KIF26B: variants seen among roughly 807,000 people sequenced by gnomAD.
The protein encoded by KIF26B is kinesin-like protein KIF26B.
A neutral mutation model predicts 151.2 loss-of-function variants in KIF26B; 63 were observed. The observed-to-expected ratio is 0.42, with a 90% CI of 0.34 to 0.51. The LOEUF (loss-of-function observed/expected upper bound fraction) is 0.51. Ranked by LOEUF, KIF26B falls within the 20% of genes least tolerant of loss-of-function variation. The pLI is 0.07. For missense variants in KIF26B, 2,813 were observed against 2,913.6 expected, an observed-to-expected ratio of 0.97 and a Z score of 0.79; for synonymous variants, 1,357 against 1,262.1, an observed-to-expected ratio of 1.08 and a Z score of -1.59.
chr1:245,338,466 C>A (rs1325395926), intron 2 of KIF26B, among the ~76,000 whole-genome samples: 1 of 152,196 alleles, frequency 6.6e-6, no homozygotes, highest in Non-Finnish European at 1.5e-5. Flanking sequence ...CAGAAGTTTG[C>A]CAGTCCCCAA....
chr1:245,232,112 A>C (rs1296512866), intron 2 of KIF26B, among the ~76,000 whole-genome samples: 1 of 152,262 alleles, frequency 6.6e-6, no homozygotes, highest in Non-Finnish European at 1.5e-5. Context: ...ATCCATCCAT[A>C]AGATCCTTGC....
chr1:245,188,599 G>T (rs1669042505), intron 2 of KIF26B, among the ~76,000 whole-genome samples: 1 of 152,218 alleles, frequency 6.6e-6, no homozygotes, highest in African/African-American at 2.4e-5. Flanking sequence ...AACTGAACAT[G>T]TGTGTGTTGC....
chr1:245,609,568 C>T (rs773150712), intron 8 of KIF26B, 40 bp downstream of exon 8: 2 of 1,466,432 alleles, frequency 1.4e-6, no homozygotes, highest in African/African-American at 1.4e-5. Context: ...AAGGTGGCTC[C>T]CTCCCCACCT....
intron 3 of KIF26B, among the ~76,000 whole-genome samples, chr1:245,395,844 C>G (rs1291251668): frequency 6.6e-6 from 1 of 152,206 alleles, no homozygotes; most frequent in Non-Finnish European, 1.5e-5. Flanking sequence ...GCCAGACAGC[C>G]TGACATTTAC....
At chr1:245,419,271 G>A (rs1273383323) in intron 3 of KIF26B, among the ~76,000 whole-genome samples, 1 of 152,196 alleles carries the variant, frequency 6.6e-6, no homozygotes, top group Non-Finnish European at 1.5e-5. Flanking sequence ...GTCTTGGGCT[G>A]CAAAGAGTGC....
At chr1:245,477,490 T>C (rs1467930852) in intron 4 of KIF26B, among the ~76,000 whole-genome samples, 1 of 151,394 alleles carries the variant, frequency 6.6e-6, no homozygotes, top group African/African-American at 2.4e-5. Context: ...GATTGGAAGG[T>C]GATAAATGCT....
chr1:245,190,394 G>T (rs1669078904), intron 2 of KIF26B, among the ~76,000 whole-genome samples: 1 of 151,986 alleles, frequency 6.6e-6, no homozygotes, highest in Admixed American at 6.6e-5. Flanking sequence ...CTGTAACACT[G>T]GCTGCAGGGT....
At chr1:245,303,484 C>T (rs1193511689) in intron 2 of KIF26B, among the ~76,000 whole-genome samples, 2 of 150,964 alleles carry the variant, frequency 1.3e-5, no homozygotes, top group African/African-American at 2.5e-5. Flanking sequence ...AGGCGTAAGC[C>T]ACCGCGCCCG....
intron 2 of KIF26B, among the ~76,000 whole-genome samples, chr1:245,361,710 G>A (rs753826772): frequency 1.3e-5 from 2 of 152,230 alleles, no homozygotes; most frequent in Admixed American, 6.5e-5. Context: ...CACTACTGCG[G>A]TTGTTATTTT....
At chr1:245,294,257 A>T (rs555019365) in intron 2 of KIF26B, among the ~76,000 whole-genome samples, 1 of 152,204 alleles carries the variant, frequency 6.6e-6, no homozygotes, top group African/African-American at 2.4e-5. Context: ...AAGTGAGAGG[A>T]TCTGTGGTAA....
chr1:245,466,465 T>C (rs543085574), intron 4 of KIF26B, among the ~76,000 whole-genome samples: 4 of 152,148 alleles, frequency 2.6e-5, no homozygotes, highest in Non-Finnish European at 5.9e-5. Flanking sequence ...GTGGCTGGGA[T>C]TTACAAGGTA....
At chr1:245,412,874 C>T (rs1171977423) in intron 3 of KIF26B, among the ~76,000 whole-genome samples, 1 of 152,176 alleles carries the variant, frequency 6.6e-6, no homozygotes, top group African/African-American at 2.4e-5. Context: ...TTGAGAATGT[C>T]ACATGTACAC....
intron 5 of KIF26B, among the ~76,000 whole-genome samples, chr1:245,589,208 C>A (rs949712815): frequency 6.6e-6 from 1 of 152,194 alleles, no homozygotes; most frequent in Admixed American, 6.5e-5. Flanking sequence ...ATTCTTCCTT[C>A]CTCTCCTTCC....
intron 12 of KIF26B, among the ~76,000 whole-genome samples, chr1:245,695,065 C>G (rs910778901): frequency 6.6e-6 from 1 of 152,158 alleles, no homozygotes; most frequent in Non-Finnish European, 1.5e-5. Context: ...TGATGGTCCC[C>G]TGACCCCACT....
chr1:245,171,491 C>G (rs1668707849), intron 2 of KIF26B, among the ~76,000 whole-genome samples: 1 of 152,100 alleles, frequency 6.6e-6, no homozygotes, highest in South Asian at 2.1e-4. Context: ...TTGCAGTGAG[C>G]TGAGATCGCG....
chr1:245,287,397 A>T (rs934934814), intron 2 of KIF26B, among the ~76,000 whole-genome samples: 4 of 151,940 alleles, frequency 2.6e-5, no homozygotes, highest in African/African-American at 9.7e-5. Context: ...GTTTTTTGTA[A>T]AGTATATAAA....
intron 3 of KIF26B, among the ~76,000 whole-genome samples, chr1:245,410,852 C>T (rs1374000292): frequency 6.6e-6 from 1 of 152,150 alleles, no homozygotes; most frequent in Non-Finnish European, 1.5e-5. Flanking sequence ...CAACCATCAC[C>T]ACCATCTACC....
At chr1:245,341,230 G>T (rs1672325737) in intron 2 of KIF26B, among the ~76,000 whole-genome samples, 1 of 150,812 alleles carries the variant, frequency 6.6e-6, no homozygotes, top group Admixed American at 6.6e-5. Flanking sequence ...CTAAAGGGAA[G>T]TCTTCTTCAG....
chr1:245,507,052 C>T (rs1284605893), intron 4 of KIF26B, among the ~76,000 whole-genome samples: 4 of 152,124 alleles, frequency 2.6e-5, no homozygotes, highest in African/African-American at 4.8e-5. Flanking sequence ...CCAGGAGGCC[C>T]GAGGGCTCCA....
Sources: gnomAD v4.1 joint callset for allele counts (sites outside exome capture counted in the v4.1 genomes callset) on GRCh38, gnomAD v4.1.1 for gene constraint, MANE v1.5 for transcripts, NCBI Gene and HGNC (gene_info 2026-07-23, HGNC 2026-07-21) for gene names.